Variants in SIAE observed in about 807,000 individuals in gnomAD.
The protein encoded by SIAE is sialate O-acetylesterase.
A neutral mutation model predicts 52.6 loss-of-function variants in SIAE; 39 were observed. The ratio of observed to expected loss-of-function variants is 0.74; its 90% CI spans 0.57 to 0.97. SIAE has a LOEUF of 0.97. SIAE is among the 50% of genes least tolerant of loss of function. The pLI is 0.00. For missense variants in SIAE, 592 were observed against 662.1 expected, an observed-to-expected ratio of 0.89 and a Z score of 1.16; for synonymous variants, 233 against 241.4, an observed-to-expected ratio of 0.97 and a Z score of 0.32.
chr11:124,675,039 G>A (rs182889693), upstream of SIAE: 73 of 377,958 alleles, frequency 1.9e-4, 1 homozygote, highest in Middle Eastern at 7.3e-4. Flanking sequence ...CCTAGTGAAT[G>A]GGTCTGTGTT....
In SIAE at chr11:124,649,553, C is replaced by T. The variant is rs529523715; in HGVS notation, c.722+66G>A. ...CATATACTTAACTCCCCACAGAGGA[C>T]GATGACCCTCTCTCTTGCATAATTC... is the stretch of plus-strand genomic sequence containing the variant. On this transcript the variant is annotated intron_variant, in intron 5 of 9. Transcript: ENST00000263593. The T allele has an allele frequency of 5.2e-5, 81 of 1,555,098 alleles. No homozygotes were observed. The Middle Eastern group carries it at 1.1e-3, about 21-fold the overall frequency.
intron 7 of SIAE, among the ~76,000 whole-genome samples, chr11:124,644,101 A>G (rs1388034531): frequency 6.6e-6 from 1 of 152,218 alleles, no homozygotes; most frequent in Non-Finnish European, 1.5e-5. Context: ...TGGATATGAT[A>G]TGGAACCAAT....
intron 2 of SIAE, among the ~76,000 whole-genome samples, chr11:124,661,724 A>G (rs1943189418): frequency 6.6e-6 from 1 of 152,268 alleles, no homozygotes. Context: ...ATGGGAAATT[A>G]ACATTTTAAA....
At chr11:124,657,325 G>A (rs762894831) in intron 3 of SIAE, among the ~76,000 whole-genome samples, 4 of 152,208 alleles carry the variant, frequency 2.6e-5, no homozygotes, top group Non-Finnish European at 5.9e-5. Flanking sequence ...TTTTTCAGCA[G>A]CAAGTACCTG....
chr11:124,673,724 A>G lies in SIAE; in HGVS notation c.-16T>C. ...GCGCGACCATGCTTGCAAGGATCTG[A>G]CCGCCGCCTAGGACTGGGAAAGTGG... On this transcript the variant is annotated 5_prime_UTR_variant, in exon 1 of 10. Coordinates refer to ENST00000263593, the MANE Select transcript of SIAE (RefSeq NM_170601.5). 2 of 1,612,484 alleles carry G rather than the reference A, an allele frequency of 1.2e-6. No individual in the cohort carries two copies. The highest frequency in any genetic ancestry group is 1.7e-6 in the Non-Finnish European group (2 of 1,179,406).
chr11:124,653,462 A>G (rs2134372099), intron 4 of SIAE, among the ~76,000 whole-genome samples: 1 of 152,284 alleles, frequency 6.6e-6, no homozygotes. Flanking sequence ...AAGACAGAGG[A>G]GGAGAAGTAG....
chr11:124,661,471 TA>T (rs1943186607), intron 2 of SIAE, among the ~76,000 whole-genome samples: 1 of 152,282 alleles, frequency 6.6e-6, no homozygotes, highest in African/African-American at 2.4e-5. Flanking sequence ...TTACAAGACT[TA>T]AGGCTTTGGG....
intron 4 of SIAE, among the ~76,000 whole-genome samples, chr11:124,652,992 TA>T (rs1314966052): frequency 2.0e-5 from 3 of 152,208 alleles, no homozygotes; most frequent in Non-Finnish European, 4.4e-5. Context: ...TAACAAGGCA[TA>T]ATACATTATC....
Position 124,635,460 on chromosome 11 carries a change from C to CA in SIAE, c.*1490dup, listed in dbSNP as rs989542465. The CA allele has an allele frequency of 2.0e-5, 3 of 152,058 alleles. No individual in the cohort carries two copies. Among genetic ancestry groups the CA allele is most frequent in the East Asian group, 3.9e-4 (2 of 5,194 alleles). 9.4% of individuals were successfully genotyped at this position (152,058 alleles called of 1,614,324 possible). The stretch of plus-strand genomic sequence containing the variant: ...ACTCTACAGAGGGGTAGAACTAAAG[C>CA]AAAAACCATCATTCACCCTACAGAG... On this transcript the variant is annotated 3_prime_UTR_variant, in exon 10 of 10. Coordinates refer to ENST00000263593, the MANE Select transcript of SIAE (RefSeq NM_170601.5).
chr11:124,649,945 G>C (rs1327127901), intron 4 of SIAE, 149 bp from the exon 5 acceptor site: 5 of 745,820 alleles, frequency 6.7e-6, no homozygotes, highest in Non-Finnish European at 1.1e-5. Context: ...AAGATTGAGA[G>C]GCACAGAGAA....
At chr11:124,665,725 A>G (rs1199095103) in intron 2 of SIAE, among the ~76,000 whole-genome samples, 1 of 152,180 alleles carries the variant, frequency 6.6e-6, no homozygotes, top group Non-Finnish European at 1.5e-5. Context: ...AGGCTGAGGC[A>G]GGAGGATCAC....
At chr11:124,647,225 A>C (rs3819084) in intron 7 of SIAE, 140 bp downstream of exon 7, 3 of 1,153,046 alleles carry the variant, frequency 2.6e-6, no homozygotes, top group Non-Finnish European at 3.8e-6. Context: ...TGACCAGCAC[A>C]TTATGAGGAC....
chr11:124,641,959 C>CAAAAAAAAA (rs11327177), intron 7 of SIAE, among the ~76,000 whole-genome samples: 1 of 39,212 alleles, frequency 2.6e-5, no homozygotes, highest in African/African-American at 8.6e-5. Flanking sequence ...GACTCCATCT[C>CAAAAAAAAA]AAAAAAAAAA....
At chr11:124,671,359 C>T (rs969240569) in intron 1 of SIAE, among the ~76,000 whole-genome samples, 3 of 151,478 alleles carry the variant, frequency 2.0e-5, no homozygotes, top group East Asian at 1.9e-4. Context: ...GGGGATATAA[C>T]GATGAAAAAA....
In SIAE at chr11:124,654,730, C is replaced by T. The variant is rs534004869; in HGVS notation, c.469G>A (p.Val157Ile). The change falls in exon 4 of 10, where the codon GTC becomes ATC. Residue 157 changes from valine to isoleucine, a missense_variant. Coordinates refer to ENST00000263593, the MANE Select transcript of SIAE (RefSeq NM_170601.5). ...TCCTGCTCTGCTTGAATGGGAGAGA[C>T]AGAGAGGATGCGGACAGACTGATAT... The part of the protein sequence containing the change: ...AAYQSVRILS[V>I]SPIQAEQELE... 2.5e-6 allele frequency: 4 copies of T among 1,613,990 alleles called. No homozygotes were observed. The African/African-American group carries it at 5.3e-5, about 22-fold the overall frequency.
rs763294310 is a variant in SIAE at position 124,648,118 on chromosome 11, G to A, written c.780C>T (p.Ala260=). The A allele has an allele frequency of 6.2e-7, 1 of 1,614,094 alleles. No individual in the cohort carries two copies. Among genetic ancestry groups the A allele is most frequent in the Non-Finnish European group, 8.5e-7 (1 of 1,179,980 alleles). ...TCATATTGCACAGTGGATGGATCATGGCATTCCAGAGAACAGAGTGCTTAC... is the reference window on the plus strand; with the variant it reads ...TCATATTGCACAGTGGATGGATCATAGCATTCCAGAGAACAGAGTGCTTAC... ...GPSKHSVLWN[A]MIHPLCNMTL... The change falls in exon 6 of 10, where the codon GCC becomes GCT. Residue 260 remains alanine (A), a synonymous_variant. Transcript: ENST00000263593.
chr11:124,647,481 A>C lies in SIAE; in HGVS notation c.850T>G (p.Tyr284Asp). 1 of 1,614,130 alleles carries C rather than the reference A, an allele frequency of 6.2e-7. No homozygotes were observed. The highest frequency in any genetic ancestry group is 2.2e-5 in the East Asian group (1 of 44,882). ...GTGCAATTGTACAGATCCGTGTTAT[A>C]ATTTATATTGGACTCCCCTAAAAAC... ...VWYQGESNIN[Y>D]NTDLYNCTFP... is the part of the protein sequence containing the mutation. The change falls in exon 7 of 10, where the codon TAT becomes GAT. Residue 284 changes from tyrosine to aspartate, a missense_variant. Transcript: ENST00000263593.
In SIAE at chr11:124,638,733, G is replaced by T; in HGVS notation, c.1129C>A (p.His377Asn). 1.2e-6 allele frequency: 2 copies of T among 1,613,624 alleles called. 1 individual carries two copies. The highest frequency in any genetic ancestry group is 2.2e-5 in the South Asian group (2 of 91,032). Residue 377 changes from histidine (H) to asparagine (N), a missense_variant, in exon 9 of 10, where the codon CAC becomes AAC. Coordinates refer to ENST00000263593, the MANE Select transcript of SIAE (RefSeq NM_170601.5). ...GCCACAGTCTGTTTATCTCGAGGGT[G>T]GATGCTACAGGATAAGGAACAAGTA... ...CDRDSPFGSIHPRDKQTVAYR... is the reference protein window; with the variant it reads ...CDRDSPFGSINPRDKQTVAYR...
rs1942681230 is a variant in SIAE, at chr11:124,634,578, TAACTG to T, written c.*2368_*2372del. 1 of 152,170 alleles carries T rather than the reference TAACTG, an allele frequency of 6.6e-6. No homozygotes were observed. Among genetic ancestry groups the T allele is most frequent in the Non-Finnish European group, 1.5e-5 (1 of 68,024 alleles). The allele number at this position is 152,170 out of a possible 1,614,324, so 9.4% of individuals were successfully genotyped here. A position where few individuals can be genotyped will look rare whatever the true frequency, so the allele number is the denominator to read the frequency against. The stretch of plus-strand genomic sequence containing the variant: ...CTTCCATGTTAAGAACCCTAAGAAA[TAACTG>T]GACGAGTGTGGTATGATGTTTGCAT... On this transcript the variant is annotated 3_prime_UTR_variant, in exon 10 of 10. Transcript: ENST00000263593.
Sources: allele counts gnomAD v4.1 joint callset (sites outside exome capture counted in the v4.1 genomes callset), GRCh38; gene constraint gnomAD v4.1.1; transcripts MANE v1.5; gene names NCBI Gene and HGNC (gene_info 2026-07-23, HGNC 2026-07-21).